Variants in ATXN7L1 observed in about 807,000 individuals in gnomAD.
The protein encoded by ATXN7L1 is ataxin-7-like protein 1.
A neutral mutation model predicts 70.8 loss-of-function variants in ATXN7L1; 15 were observed. That is an observed-to-expected ratio of 0.21 (90% CI 0.14 to 0.33). ATXN7L1 has a LOEUF of 0.33. Among genes scored for constraint, ATXN7L1 ranks in the 10% least tolerant of loss-of-function variants. The pLI is 1.00. For synonymous variants in ATXN7L1, 440 were observed against 445.1 expected, an observed-to-expected ratio of 0.99 and a Z score of 0.14; for missense variants, 975 against 1,097.1, an observed-to-expected ratio of 0.89 and a Z score of 1.57.
At chr7:105,820,387 A>T (rs1366523109) in intron 2 of ATXN7L1, among the ~76,000 whole-genome samples, 1 of 152,010 alleles carries the variant, frequency 6.6e-6, no homozygotes, top group Non-Finnish European at 1.5e-5. Flanking sequence ...GCACTGTGGG[A>T]TGGGTATGAG....
chr7:105,851,175 T>C (rs1484537268), intron 2 of ATXN7L1, among the ~76,000 whole-genome samples: 6 of 152,182 alleles, frequency 3.9e-5, no homozygotes, highest in African/African-American at 7.2e-5. Flanking sequence ...ATCTATAGGA[T>C]GGCAGCTGGT....
At chr7:105,684,700 C>T (rs1222245783) in intron 3 of ATXN7L1, among the ~76,000 whole-genome samples, 1 of 152,200 alleles carries the variant, frequency 6.6e-6, no homozygotes, top group African/African-American at 2.4e-5. Flanking sequence ...CCTGAAAACT[C>T]GATCGGCCTG....
At chr7:105,797,268 T>C (rs1210275948) in intron 2 of ATXN7L1, among the ~76,000 whole-genome samples, 1 of 152,174 alleles carries the variant, frequency 6.6e-6, no homozygotes, top group Non-Finnish European at 1.5e-5. Flanking sequence ...AGCAGGTCAG[T>C]GCTGAGAAAC....
At chr7:105,734,026 T>C (rs1003992479) in intron 3 of ATXN7L1, among the ~76,000 whole-genome samples, 1 of 151,826 alleles carries the variant, frequency 6.6e-6, no homozygotes, top group Non-Finnish European at 1.5e-5. Flanking sequence ...CACTGCATAT[T>C]TAAGATAGTA....
At chr7:105,641,550 A>C (rs553912296) in intron 5 of ATXN7L1, among the ~76,000 whole-genome samples, 1 of 152,262 alleles carries the variant, frequency 6.6e-6, no homozygotes, top group African/African-American at 2.4e-5. Flanking sequence ...ATGGGGTTAC[A>C]GGCTGGAAGC....
At chr7:105,800,997 T>G (rs929821665) in intron 2 of ATXN7L1, among the ~76,000 whole-genome samples, 5 of 152,220 alleles carry the variant, frequency 3.3e-5, no homozygotes, top group Admixed American at 6.5e-5. Context: ...TCGCCTGAAC[T>G]TGAATTCTAG....
At chr7:105,697,691 A>G (rs533804143) in intron 3 of ATXN7L1, among the ~76,000 whole-genome samples, 2 of 152,378 alleles carry the variant, frequency 1.3e-5, no homozygotes, top group African/African-American at 4.8e-5. Flanking sequence ...TGGGGAAGTG[A>G]TAAGTGTCCA....
Position 105,711,474 on chromosome 7 carries a change from G to T in ATXN7L1, c.356-46186C>A, listed in dbSNP as rs182498232. Among the ~76,000 whole-genome samples the T allele has an allele frequency of 4.1e-3, 619 of 152,320 alleles. 3 individuals are homozygous for T. Among genetic ancestry groups the T allele is most frequent in the Admixed American group, 5.3e-3 (81 of 15,302 alleles). On this transcript the variant is annotated intron_variant, in intron 3 of 11. Transcript: ENST00000419735. Reference sequence around the variant, plus strand: ...TAGTTACTTCCAAGATACATTGGGGGTACAGGCATTGGGTAAATGTTCTTG... The same window carrying T: ...TAGTTACTTCCAAGATACATTGGGGTTACAGGCATTGGGTAAATGTTCTTG...
chr7:105,752,508 C>T (rs1412609338), intron 3 of ATXN7L1, among the ~76,000 whole-genome samples: 1 of 152,112 alleles, frequency 6.6e-6, no homozygotes, highest in African/African-American at 2.4e-5. Flanking sequence ...TGACAGCCAC[C>T]ACACCACCCT....
chr7:105,726,078 T>C (rs1046331370), intron 3 of ATXN7L1, among the ~76,000 whole-genome samples: 1 of 151,556 alleles, frequency 6.6e-6, no homozygotes, highest in Non-Finnish European at 1.5e-5. Flanking sequence ...ATTTTTGTAT[T>C]TTTAGTAGAG....
intron 3 of ATXN7L1, among the ~76,000 whole-genome samples, chr7:105,716,316 C>T (rs1400219586): frequency 1.3e-5 from 2 of 151,990 alleles, no homozygotes; most frequent in Non-Finnish European, 2.9e-5. Flanking sequence ...TATGAAATTT[C>T]AATAAAAGGG....
At chr7:105,736,040 T>G (rs1797334215) in intron 3 of ATXN7L1, among the ~76,000 whole-genome samples, 1 of 152,182 alleles carries the variant, frequency 6.6e-6, no homozygotes, top group African/African-American at 2.4e-5. Flanking sequence ...GCTAATCATT[T>G]TCTTGGCTTC....
chr7:105,728,093 G>A (rs996124177), intron 3 of ATXN7L1, among the ~76,000 whole-genome samples: 1 of 151,904 alleles, frequency 6.6e-6, no homozygotes, highest in Non-Finnish European at 1.5e-5. Context: ...TTATCTAGCT[G>A]GAGATAAAAT....
At chr7:105,800,292 A>G (rs1340112877) in intron 2 of ATXN7L1, among the ~76,000 whole-genome samples, 3 of 152,186 alleles carry the variant, frequency 2.0e-5, no homozygotes, top group Non-Finnish European at 4.4e-5. Context: ...AGTTTCCACC[A>G]AATCCTCTTT....
chr7:105,670,756 G>T (rs1205573755), intron 3 of ATXN7L1, among the ~76,000 whole-genome samples: 2 of 152,054 alleles, frequency 1.3e-5, no homozygotes, highest in Non-Finnish European at 2.9e-5. Flanking sequence ...AAGGTCAAGA[G>T]ATTGAGACCA....
At chr7:105,799,487 C>A (rs1223470652) in intron 2 of ATXN7L1, among the ~76,000 whole-genome samples, 1 of 152,200 alleles carries the variant, frequency 6.6e-6, no homozygotes, top group Admixed American at 6.5e-5. Flanking sequence ...ATGGGTCCTA[C>A]TGGCCATGGT....
intron 2 of ATXN7L1, among the ~76,000 whole-genome samples, chr7:105,842,635 C>A (rs935973195): frequency 2.6e-5 from 4 of 152,082 alleles, no homozygotes; most frequent in Non-Finnish European, 5.9e-5. Flanking sequence ...GGTATTTCTA[C>A]CTTTGGGCTA....
intron 2 of ATXN7L1, among the ~76,000 whole-genome samples, chr7:105,871,893 G>A (rs181311480): frequency 6.6e-4 from 101 of 152,242 alleles, no homozygotes; most frequent in African/African-American, 2.3e-3. Context: ...AAAGGGGTGA[G>A]GAATGGGGAA....
chr7:105,818,225 A>G (rs1809491247), intron 2 of ATXN7L1, among the ~76,000 whole-genome samples: 1 of 152,248 alleles, frequency 6.6e-6, no homozygotes, highest in Middle Eastern at 3.4e-3. Context: ...GCTGGAGTGC[A>G]GTGGAGAGAT....
Sources: gnomAD v4.1 joint callset for allele counts (sites outside exome capture counted in the v4.1 genomes callset) on GRCh38, gnomAD v4.1.1 for gene constraint, MANE v1.5 for transcripts, NCBI Gene and HGNC (gene_info 2026-07-23, HGNC 2026-07-21) for gene names.